Variants in BEND6 observed in about 807,000 individuals in gnomAD.
The protein encoded by BEND6 is BEN domain containing 6, also known as BEN domain-containing protein 6.
Under a neutral mutation model 31.8 loss-of-function variants are expected in BEND6, and 24 were observed. The observed-to-expected ratio is 0.75, with a 90% CI of 0.55 to 1.06. The LOEUF (loss-of-function observed/expected upper bound fraction) is 1.06, where lower values mean the gene tolerates loss of function less well. BEND6 is among the 50% of genes least tolerant of loss of function. The pLI, the probability that BEND6 is intolerant of heterozygous loss-of-function variation, is 0.00. For missense variants in BEND6, 294 were observed against 327.4 expected (o/e 0.90, Z 0.79); for synonymous variants, 109 against 114.6 (o/e 0.95, Z 0.31).
Position 56,976,040 on chromosome 6 carries a change from C to T in BEND6, c.-100-5671C>T. ...TTCAGGGACATTCAAGCACTAAGAA[C>T]AGGACACGATACAAAGTCTCCATGT... On this transcript the variant is annotated intron_variant, in intron 1 of 6. Coordinates refer to ENST00000370746, the MANE Select transcript of BEND6 (RefSeq NM_152731.3). The T allele has an allele frequency of 4.4e-6, 2 of 455,192 alleles. 1 individual carries two copies. The highest frequency in any genetic ancestry group is 8.8e-6 in the Non-Finnish European group (2 of 228,216). The allele number at this position is 455,192 out of a possible 1,614,324, so 28.2% of individuals were successfully genotyped here.
intron 3 of BEND6, among the ~76,000 whole-genome samples, chr6:57,005,463 G>T (rs1196095260): frequency 1.3e-5 from 2 of 152,016 alleles, no homozygotes. Flanking sequence ...ACCACCTGAG[G>T]TCAAGAGTTG....
At chr6:57,007,493 C>T (rs1343945816) in intron 3 of BEND6, among the ~76,000 whole-genome samples, 3 of 151,974 alleles carry the variant, frequency 2.0e-5, no homozygotes, top group Admixed American at 6.6e-5. Context: ...GTGAATAGGA[C>T]CTTAAAAGCA....
At chr6:57,006,426 G>C (rs1426770132) in intron 3 of BEND6, among the ~76,000 whole-genome samples, 3 of 152,092 alleles carry the variant, frequency 2.0e-5, no homozygotes, top group Non-Finnish European at 4.4e-5. Flanking sequence ...AGTTTGTATT[G>C]GACCCTGCAA....
At chr6:56,993,541 G>A (rs78584636) in intron 3 of BEND6, among the ~76,000 whole-genome samples, 1 of 152,194 alleles carries the variant, frequency 6.6e-6, no homozygotes, top group African/African-American at 2.4e-5. Context: ...ATAGAACACA[G>A]TGATGAATGA....
chr6:56,973,485 G>A (rs140393710), intron 1 of BEND6, among the ~76,000 whole-genome samples: 70 of 152,034 alleles, frequency 4.6e-4, no homozygotes, highest in African/African-American at 1.7e-3. Context: ...TTATTAATTA[G>A]GCACAGTAAA....
chr6:56,971,803 T>C (rs535257516), intron 1 of BEND6, among the ~76,000 whole-genome samples: 11 of 152,192 alleles, frequency 7.2e-5, no homozygotes, highest in Non-Finnish European at 1.3e-4. Context: ...CCTTTACTCA[T>C]TTTTGAATCA....
chr6:56,972,087 T>TGTC (rs1491413481), intron 1 of BEND6, among the ~76,000 whole-genome samples: 2,034 of 19,644 alleles, frequency 0.1, 51 homozygotes, highest in Non-Finnish European at 0.16. Context: ...CTTTACTTTC[T>TGTC]TTTTTTTTTT....
intron 3 of BEND6, chr6:57,004,557 TG>T: frequency 1.2e-6 from 1 of 861,502 alleles, no homozygotes. Flanking sequence ...CCCTCACAGG[TG>T]CGCCAGAACT....
chr6:56,996,491 C>T (rs931457087), intron 3 of BEND6, among the ~76,000 whole-genome samples: 1 of 151,972 alleles, frequency 6.6e-6, no homozygotes, highest in Non-Finnish European at 1.5e-5. Flanking sequence ...ACACAAAAAT[C>T]AATGAGCTAT....
At chr6:57,004,653 G>A (rs1280310969) in intron 3 of BEND6, 4 of 1,216,004 alleles carry the variant, frequency 3.3e-6, no homozygotes, top group Admixed American at 3.4e-5. Flanking sequence ...CAATGGAGTG[G>A]GCATTACATT....
At chr6:57,007,632 A>T (rs1016475271) in intron 3 of BEND6, among the ~76,000 whole-genome samples, 5 of 149,062 alleles carry the variant, frequency 3.4e-5, no homozygotes, top group East Asian at 2.0e-4. Flanking sequence ...CAAAAAACAA[A>T]TTTTTTTTTT....
chr6:57,016,963 A>G (rs1000169751), intron 4 of BEND6, among the ~76,000 whole-genome samples: 1 of 152,156 alleles, frequency 6.6e-6, no homozygotes, highest in Non-Finnish European at 1.5e-5. Context: ...AAGAATTTGT[A>G]TACACCCTAT....
At chr6:57,013,553 C>G (rs1024343153) in intron 3 of BEND6, among the ~76,000 whole-genome samples, 11 of 152,204 alleles carry the variant, frequency 7.2e-5, no homozygotes, top group African/African-American at 2.7e-4. Context: ...GGATTTCAAG[C>G]TGTGGCCAGC....
At chr6:56,961,409 G>A (rs956022740) in intron 1 of BEND6, among the ~76,000 whole-genome samples, 5 of 152,192 alleles carry the variant, frequency 3.3e-5, no homozygotes, top group African/African-American at 1.2e-4. Flanking sequence ...CATATTGGGA[G>A]GGAGACAAAT....
At chr6:57,006,024 A>G (rs1827146594) in intron 3 of BEND6, among the ~76,000 whole-genome samples, 1 of 152,218 alleles carries the variant, frequency 6.6e-6, no homozygotes, top group Non-Finnish European at 1.5e-5. Context: ...TTAAGAAACT[A>G]TCCTAAAAGC....
intron 2 of BEND6, among the ~76,000 whole-genome samples, chr6:56,988,242 T>C (rs1171879984): frequency 6.6e-6 from 1 of 152,030 alleles, no homozygotes; most frequent in Non-Finnish European, 1.5e-5. Context: ...GGTCTCGATT[T>C]CCTGACCTCG....
At chr6:56,972,090 T>C (rs1465314429) in intron 1 of BEND6, among the ~76,000 whole-genome samples, 11 of 131,924 alleles carry the variant, frequency 8.3e-5, no homozygotes, top group African/African-American at 2.5e-4. Context: ...TACTTTCTTT[T>C]TTTTTTTTTT....
At chr6:57,000,387 G>A (rs1397429887) in intron 3 of BEND6, among the ~76,000 whole-genome samples, 4 of 152,012 alleles carry the variant, frequency 2.6e-5, no homozygotes, top group African/African-American at 9.7e-5. Context: ...CTTGAAGGCA[G>A]CATGCTCATT....
chr6:57,021,604 A>AT (rs1186048467), intron 6 of BEND6, among the ~76,000 whole-genome samples: 2 of 151,968 alleles, frequency 1.3e-5, no homozygotes. Context: ...CAAGAGCTTG[A>AT]TTTTTTTCCA....
Sources: gnomAD v4.1 joint callset for allele counts (sites outside exome capture counted in the v4.1 genomes callset) on GRCh38, gnomAD v4.1.1 for gene constraint, MANE v1.5 for transcripts, NCBI Gene and HGNC (gene_info 2026-07-23, HGNC 2026-07-21) for gene names.